SYNE2: variants seen among roughly 807,000 people sequenced by gnomAD.
The protein encoded by SYNE2 is nesprin-2.
A neutral mutation model predicts 856.3 loss-of-function variants in SYNE2; 431 were observed. The observed-to-expected ratio is 0.50, with a 90% confidence interval of 0.47 to 0.55. The LOEUF (loss-of-function observed/expected upper bound fraction) is 0.55, where lower values mean the gene tolerates loss of function less well. Ranked by LOEUF, SYNE2 falls within the 20% of genes least tolerant of loss-of-function variation. The pLI is 0.00. For missense variants in SYNE2, 8,129 were observed against 8,023.2 expected, an observed-to-expected ratio of 1.01 and a Z score of -0.50; for synonymous variants, 2,923 against 2,872.3, an observed-to-expected ratio of 1.02 and a Z score of -0.56.
chr14:64,124,358 CT>C (rs2097920774), intron 70 of SYNE2, among the ~76,000 whole-genome samples: 1 of 149,798 alleles, frequency 6.7e-6, no homozygotes, highest in South Asian at 2.1e-4. Context: ...TGACCAGCTA[CT>C]TTAAAAATTT....
At chr14:63,997,772 T>G (rs1384295346) in intron 25 of SYNE2, among the ~76,000 whole-genome samples, 1 of 152,222 alleles carries the variant, frequency 6.6e-6, no homozygotes, top group South Asian at 2.1e-4. Context: ...TCTGCTGCAT[T>G]ATAATGTATT....
intron 9 of SYNE2, among the ~76,000 whole-genome samples, chr14:63,962,268 C>T (rs930834053): frequency 2.0e-5 from 3 of 151,978 alleles, no homozygotes; most frequent in Non-Finnish European, 4.4e-5. Context: ...GTTGGCCAGG[C>T]TGGTCTCGAA....
chr14:64,220,718 C>A, intron 111 of SYNE2, 81 bp downstream of exon 111: 1 of 1,504,670 alleles, frequency 6.6e-7, no homozygotes, highest in Non-Finnish European at 9.1e-7. Context: ...TTATCATCAT[C>A]AGGCTGCTTC....
chr14:64,137,288 C>T (rs1234521331), intron 78 of SYNE2, among the ~76,000 whole-genome samples: 2 of 152,342 alleles, frequency 1.3e-5, no homozygotes, highest in East Asian at 3.9e-4. Context: ...CAGCCTCTAC[C>T]TCCTGGGTTC....
chr14:63,852,183 C>T (rs911570424), upstream of SYNE2, among the ~76,000 whole-genome samples: 4 of 151,944 alleles, frequency 2.6e-5, no homozygotes, highest in Non-Finnish European at 4.4e-5. Flanking sequence ...ATTGAAAATC[C>T]GCTGCTTTTT....
intron 106 of SYNE2, among the ~76,000 whole-genome samples, chr14:64,214,697 A>G (rs1025160630): frequency 1.3e-5 from 2 of 152,180 alleles, no homozygotes; most frequent in Non-Finnish European, 2.9e-5. Context: ...TCACATTCAG[A>G]CACTAAGGTT....
chr14:64,041,178 A>G (rs1445279220), intron 45 of SYNE2, among the ~76,000 whole-genome samples: 2 of 152,186 alleles, frequency 1.3e-5, no homozygotes, highest in Non-Finnish European at 2.9e-5. Flanking sequence ...ACTTCAAACA[A>G]AAATATATTA....
intron 1 of SYNE2, among the ~76,000 whole-genome samples, chr14:63,800,136 G>A (rs547432712): frequency 6.6e-6 from 1 of 152,188 alleles, no homozygotes; most frequent in Non-Finnish European, 1.5e-5. Context: ...TCTGTGACCT[G>A]TGTTATGTTT....
At chr14:64,072,720 C>T (rs943242816) in intron 52 of SYNE2, among the ~76,000 whole-genome samples, 1 of 152,094 alleles carries the variant, frequency 6.6e-6, no homozygotes, top group African/African-American at 2.4e-5. Context: ...AGGGTGGTCT[C>T]GAACGCCTGA....
At chr14:64,207,271 TG>T (rs1324353206) in intron 100 of SYNE2, among the ~76,000 whole-genome samples, 2 of 152,138 alleles carry the variant, frequency 1.3e-5, no homozygotes. Context: ...TGTATTTATA[TG>T]AAGAAAAGTA....
chr14:64,124,644 A>G (rs1018784321), intron 70 of SYNE2, among the ~76,000 whole-genome samples: 1 of 152,322 alleles, frequency 6.6e-6, no homozygotes, highest in Middle Eastern at 3.4e-3. Context: ...GGCAAGATAG[A>G]CAAAAATGTT....
At chr14:64,035,402 TAC>T (rs113172256) in intron 45 of SYNE2, among the ~76,000 whole-genome samples, 19 of 152,196 alleles carry the variant, frequency 1.2e-4, no homozygotes, top group African/African-American at 4.3e-4. Flanking sequence ...ATGTGTCAAC[TAC>T]AGTGTCCTAC....
At chr14:64,109,288 A>C (rs1310426756) in intron 65 of SYNE2, among the ~76,000 whole-genome samples, 1 of 151,064 alleles carries the variant, frequency 6.6e-6, no homozygotes, top group Admixed American at 6.7e-5. Flanking sequence ...AAAGAGAAGG[A>C]GGAAGAAAAA....
chr14:64,209,362 T>A, intron 101 of SYNE2, 66 bp from the exon 102 acceptor site: 1 of 1,613,356 alleles, frequency 6.2e-7, no homozygotes, highest in South Asian at 1.1e-5. Flanking sequence ...TGTCAGGGGA[T>A]AAAAGAAGTG....
chr14:64,097,969 G>A lies in SYNE2; in HGVS notation c.12129G>A (p.Glu4043=), dbSNP rs760504517. 17 of 1,614,112 alleles carry A rather than the reference G, an allele frequency of 1.1e-5. No homozygotes were observed. The highest frequency in any genetic ancestry group is 1.0e-5 in the Non-Finnish European group (12 of 1,180,052). The part of the protein sequence containing the change: ...PQLQGEIERM[E]KQILSLNQRK... ...CACAGGGAGAAATCGAACGTATGGA[G>A]AAACAGATTCTGAGTTTGAACCAGA... The change falls in exon 62 of 116, where the codon GAG becomes GAA. Residue 4043 remains glutamate, a synonymous_variant. Coordinates refer to ENST00000555002, the MANE Select transcript of SYNE2 (RefSeq NM_182914.3).
intron 1 of SYNE2, among the ~76,000 whole-genome samples, chr14:63,793,991 A>G (rs1292479065): frequency 2.0e-5 from 3 of 152,098 alleles, no homozygotes; most frequent in Admixed American, 2.0e-4. Context: ...AATTGTCTGC[A>G]CATGTCCTGC....
At chr14:64,021,741 G>T in intron 36 of SYNE2, 116 bp from the exon 37 acceptor site, 1 of 1,161,814 alleles carries the variant, frequency 8.6e-7, no homozygotes, top group Non-Finnish European at 1.3e-6. Flanking sequence ...AAGAGAAAGT[G>T]AATCCACTCA....
At chr14:64,153,464 G>A (rs1364363312) in intron 85 of SYNE2, among the ~76,000 whole-genome samples, 1 of 152,042 alleles carries the variant, frequency 6.6e-6, no homozygotes, top group Non-Finnish European at 1.5e-5. Context: ...CTTCATTGTG[G>A]GTTGTCACCT....
intron 1 of SYNE2, among the ~76,000 whole-genome samples, chr14:63,875,899 C>A (rs559963913): frequency 6.6e-6 from 1 of 152,082 alleles, no homozygotes; most frequent in Admixed American, 6.6e-5. Flanking sequence ...GTTCCCAGAC[C>A]GGTGACTTGA....
Sources: gnomAD v4.1 joint callset for allele counts (sites outside exome capture counted in the v4.1 genomes callset) on GRCh38, gnomAD v4.1.1 for gene constraint, MANE v1.5 for transcripts, NCBI Gene and HGNC (gene_info 2026-07-23, HGNC 2026-07-21) for gene names.